Variants in ASCC2 observed in about 807,000 individuals in gnomAD.
ASCC2 encodes ASC-1 complex subunit P100.
ASCC2 carries 42 observed loss-of-function variants against 93.5 expected under a neutral mutation model. The observed-to-expected ratio is 0.45, with a 90% CI of 0.35 to 0.58. The LOEUF (loss-of-function observed/expected upper bound fraction) is 0.58, where lower values mean the gene tolerates loss of function less well. Ranked by LOEUF, ASCC2 falls within the 20% of genes least tolerant of loss-of-function variation. The pLI, the probability that ASCC2 is intolerant of heterozygous loss-of-function variation, is 0.00. For missense variants in ASCC2, 859 were observed against 977.6 expected (o/e 0.88, Z 1.62); for synonymous variants, 364 against 384.2 (o/e 0.95, Z 0.62).
In ASCC2 at chr22:29,793,236, T is replaced by C; in HGVS notation, c.1919+124A>G. On this transcript the variant is annotated intron_variant, in intron 17 of 19. Transcript: ENST00000307790. The stretch of plus-strand genomic sequence containing the variant: ...GGGCTGGGGTGGAGGAGCACTGGAT[T>C]AGGAGTCAGGAGGACTGGGTTTGGG... 12 of 1,359,520 alleles carry C rather than the reference T, an allele frequency of 8.8e-6. No homozygotes were observed. The South Asian group carries it at 1.6e-4, about 18-fold the overall frequency. The allele number at this position is 1,359,520 out of a possible 1,614,324, so 84.2% of individuals were successfully genotyped here.
intron 8 of ASCC2, among the ~76,000 whole-genome samples, chr22:29,813,219 C>A (rs1250933046): frequency 6.6e-6 from 1 of 152,002 alleles, no homozygotes; most frequent in Non-Finnish European, 1.5e-5. Context: ...CCTGCCCTAT[C>A]CTGGTCTTGG....
intron 13 of ASCC2, among the ~76,000 whole-genome samples, chr22:29,802,708 C>T (rs751183375): frequency 2.7e-5 from 4 of 150,698 alleles, no homozygotes; most frequent in South Asian, 2.1e-4. Context: ...TTTGGGAGGC[C>T]GAGACGGGTG....
rs1386664850 is a variant in ASCC2, at chr22:29,793,629, G to T, written c.1736C>A (p.Ala579Glu). 3 of 1,603,324 alleles carry T rather than the reference G, an allele frequency of 1.9e-6. No individual in the cohort carries two copies. In the South Asian group the frequency reaches 3.3e-5, roughly 18 times the overall value. Residue 579 changes from alanine (A) to glutamate (E), a missense_variant, in exon 16 of 20, where the codon GCA becomes GAA. Physicochemically the swap from Ala to Glu is moderately radical, Grantham distance 107. Transcript: ENST00000307790. The stretch of plus-strand genomic sequence containing the variant: ...GTAGCGCTGCCGCTGTGCCGCCACT[G>T]CACGCTTGTCGTTCAGCAAACTCCG... ...NTRSLLNDKR[A>E]VAAQRQRYEQ...
Position 29,788,856 on chromosome 22 carries a change from G to T in ASCC2, c.*157C>A. On this transcript the variant is annotated 3_prime_UTR_variant, in exon 20 of 20. Coordinates refer to ENST00000307790, the MANE Select transcript of ASCC2 (RefSeq NM_032204.5). ...TTCTGCAGGAAGGCGCTCATGGCTG[G>T]CTGGTAGATGAGAGGCGGCCTTCTC... The T allele has an allele frequency of 1.2e-6, 1 of 850,166 alleles. No homozygotes were observed. Among genetic ancestry groups the T allele is most frequent in the Non-Finnish European group, 1.8e-6 (1 of 541,584 alleles). The allele number at this position is 850,166 out of a possible 1,614,324, so 52.7% of individuals were successfully genotyped here.
At chr22:29,813,964 T>A (rs1029077857) in intron 7 of ASCC2, among the ~76,000 whole-genome samples, 2 of 152,228 alleles carry the variant, frequency 1.3e-5, no homozygotes, top group African/African-American at 4.8e-5. Flanking sequence ...TCTAAGTTTC[T>A]TACACACTTT....
intron 5 of ASCC2, among the ~76,000 whole-genome samples, chr22:29,817,172 C>T (rs924932054): frequency 3.9e-5 from 6 of 152,148 alleles, no homozygotes; most frequent in Admixed American, 1.3e-4. Context: ...TTTACCAGCC[C>T]GCACTTGCTC....
intron 13 of ASCC2, among the ~76,000 whole-genome samples, chr22:29,804,001 G>A (rs1358442826): frequency 1.4e-4 from 22 of 152,250 alleles, no homozygotes; most frequent in Admixed American, 1.4e-3. Flanking sequence ...TTCAACGTGA[G>A]TGACGTGCCT....
At chr22:29,805,945 G>A (rs758266128) in intron 12 of ASCC2, among the ~76,000 whole-genome samples, 29 of 151,940 alleles carry the variant, frequency 1.9e-4, no homozygotes, top group Admixed American at 3.3e-4. Context: ...CTGCTGTGAG[G>A]AGGGGCTGAG....
At chr22:29,798,738 C>G (rs192504727) in intron 15 of ASCC2, among the ~76,000 whole-genome samples, 50 of 152,380 alleles carry the variant, frequency 3.3e-4, no homozygotes, top group Admixed American at 1.2e-3. Context: ...GCACCTCCCA[C>G]TCTGTCCTTA....
Position 29,806,253 on chromosome 22 carries a change from CGGCCACGGG to C in ASCC2, c.1114_1122del (p.Pro372_Ala374del), listed in dbSNP as rs754513538. The stretch of plus-strand genomic sequence containing the variant: ...GCCTGCTGCAGCAAGCTGATGTCTT[CGGCCACGGG>C]GAAGAGTGCATCATAGTCCCGGAGG... On this transcript the variant is annotated inframe_deletion, in exon 12 of 20. Coordinates refer to ENST00000307790, the MANE Select transcript of ASCC2 (RefSeq NM_032204.5). The C allele has an allele frequency of 6.2e-7, 1 of 1,614,122 alleles. No homozygotes were observed. The highest frequency in any genetic ancestry group is 1.1e-5 in the South Asian group (1 of 91,080).
At chr22:29,821,838 AT>A (rs906059823) in intron 5 of ASCC2, 101 of 346,236 alleles carry the variant, frequency 2.9e-4, no homozygotes, top group South Asian at 5.1e-4. Flanking sequence ...ACTAAAAAAA[AT>A]TTTTTTTTAA....
chr22:29,789,863 G>A (rs979657847), intron 19 of ASCC2, among the ~76,000 whole-genome samples: 4 of 152,242 alleles, frequency 2.6e-5, no homozygotes, highest in Admixed American at 6.5e-5. Context: ...GGTGGAGGCA[G>A]ATCCTTGGCC....
intron 15 of ASCC2, among the ~76,000 whole-genome samples, chr22:29,799,952 T>A (rs557637312): frequency 9.8e-5 from 15 of 152,332 alleles, no homozygotes; most frequent in African/African-American, 3.6e-4. Context: ...CACACCCGGC[T>A]AATTTTTGTA....
chr22:29,790,885 G>A (rs530703089), intron 18 of ASCC2, among the ~76,000 whole-genome samples: 1 of 152,200 alleles, frequency 6.6e-6, no homozygotes. Flanking sequence ...GAGAGGCTGT[G>A]CAGGGCCCTG....
intron 1 of ASCC2, among the ~76,000 whole-genome samples, chr22:29,833,019 C>T (rs1040870423): frequency 6.6e-6 from 1 of 152,170 alleles, no homozygotes; most frequent in East Asian, 1.9e-4. Context: ...GTCTTGGCCT[C>T]CCAAAGTGCT....
intron 6 of ASCC2, among the ~76,000 whole-genome samples, chr22:29,815,677 A>C (rs1198504669): frequency 6.6e-6 from 1 of 152,238 alleles, no homozygotes. Flanking sequence ...GTAAAACTTT[A>C]AAGCTACTTT....
chr22:29,813,899 A>G (rs1232006794), intron 7 of ASCC2, among the ~76,000 whole-genome samples: 1 of 152,224 alleles, frequency 6.6e-6, no homozygotes, highest in African/African-American at 2.4e-5. Flanking sequence ...GCAGGACAAG[A>G]ATATTAAGTC....
At chr22:29,827,602 T>G (rs1217012630) in intron 2 of ASCC2, 1 of 470,776 alleles carries the variant, frequency 2.1e-6, no homozygotes, top group Non-Finnish European at 4.4e-6. Context: ...GGTACAAATC[T>G]GTTGAAAAAG....
chr22:29,812,321 C>G (rs749547661), intron 8 of ASCC2, among the ~76,000 whole-genome samples: 53 of 152,266 alleles, frequency 3.5e-4, no homozygotes, highest in South Asian at 2.1e-4. Context: ...AACTGCCAGG[C>G]AATACGCAGG....
Sources: allele counts gnomAD v4.1 joint callset (sites outside exome capture counted in the v4.1 genomes callset), GRCh38; gene constraint gnomAD v4.1.1; transcripts MANE v1.5; gene names NCBI Gene and HGNC (gene_info 2026-07-23, HGNC 2026-07-21).